The following SPTAN1 variants were observed in gnomAD, a reference collection of about 807,000 sequenced individuals.
SPTAN1 encodes spectrin alpha, non-erythrocytic 1.
SPTAN1 carries 61 observed loss-of-function variants against 331.3 expected under a neutral mutation model. The observed-to-expected ratio is 0.18, with a 90% confidence interval of 0.15 to 0.23. SPTAN1 has a LOEUF of 0.23. Ranked by LOEUF, SPTAN1 falls within the 10% of genes least tolerant of loss-of-function variation. The pLI is 1.00. For synonymous variants in SPTAN1, 1,153 were observed against 1,173.9 expected (o/e 0.98, Z 0.36); for missense variants, 2,043 against 3,147.9 (o/e 0.65, Z 8.40).
chr9:128,625,763 G>A lies in SPTAN1; in HGVS notation c.6070-6G>A, dbSNP rs1858640761. On this transcript the variant is annotated splice_polypyrimidine_tract_variant and splice_region_variant and intron_variant, in intron 47 of 56. Coordinates refer to ENST00000372739, the MANE Select transcript of SPTAN1 (RefSeq NM_001130438.3). The surrounding 1 kb of genome is among the most constrained non-coding windows in gnomAD (Gnocchi z 4.1). ...ACCACAAATTGGCTTGTCACTCCTT[G>A]TTCAGGAAACTTTTGACGCTGGGCT... 1 of 1,613,776 alleles carries A rather than the reference G, an allele frequency of 6.2e-7. No homozygotes were observed. The highest frequency in any genetic ancestry group is 1.3e-5 in the African/African-American group (1 of 75,054).
chr9:128,592,054 C>T (rs1485376854), intron 22 of SPTAN1, among the ~76,000 whole-genome samples: 2 of 152,108 alleles, frequency 1.3e-5, no homozygotes, highest in South Asian at 2.1e-4. Flanking sequence ...TAGCTGAGCC[C>T]CCATATTGCC....
At chr9:128,554,539 G>A (rs1848442708) in intron 1 of SPTAN1, among the ~76,000 whole-genome samples, 1 of 152,176 alleles carries the variant, frequency 6.6e-6, no homozygotes, top group Non-Finnish European at 1.5e-5. Flanking sequence ...TGGATCTCAG[G>A]AATAGTCCCC....
chr9:128,554,768 C>T (rs567066075), intron 1 of SPTAN1, among the ~76,000 whole-genome samples: 94 of 152,372 alleles, frequency 6.2e-4, no homozygotes, highest in African/African-American at 2.2e-3. Flanking sequence ...CTGCATAGCT[C>T]ATCACTGGGG....
intron 38 of SPTAN1, 28 bp from the exon 39 acceptor site, chr9:128,612,081 C>T: frequency 6.2e-7 from 1 of 1,614,094 alleles, no homozygotes; most frequent in Non-Finnish European, 8.5e-7. Context: ...TAGATTTCAT[C>T]TCTTTTTGGC....
At chr9:128,619,284 G>C (rs1589360601) in intron 44 of SPTAN1, among the ~76,000 whole-genome samples, 1 of 152,174 alleles carries the variant, frequency 6.6e-6, no homozygotes, top group East Asian at 1.9e-4. Context: ...GTTTCCTGGG[G>C]CTGCCATAAA....
At chr9:128,584,027 G>A in intron 16 of SPTAN1, 58 bp downstream of exon 16, 1 of 1,600,162 alleles carries the variant, frequency 6.2e-7, no homozygotes, top group Non-Finnish European at 8.6e-7. Flanking sequence ...TAGGAGGGAG[G>A]AAAAGCCAGT....
chr9:128,584,067 A>G (rs1564227207), intron 16 of SPTAN1, 98 bp downstream of exon 16: 2 of 1,526,826 alleles, frequency 1.3e-6, no homozygotes, highest in Admixed American at 3.5e-5. Flanking sequence ...TTTGGGAGGG[A>G]TGAAATGTGT....
chr9:128,577,754 G>A lies in SPTAN1; in HGVS notation c.1085+248G>A, dbSNP rs1168547754. Among the ~76,000 whole-genome samples the A allele has an allele frequency of 6.6e-6, 1 of 152,192 alleles. No homozygotes were observed. The highest frequency in any genetic ancestry group is 1.5e-5 in the Non-Finnish European group (1 of 68,034). ...TCACTGCATTATGATTGATAGAATG[G>A]GAATGTCCCTTTAAGTATCTGAGTA... is the stretch of plus-strand genomic sequence containing the variant. On this transcript the variant is annotated intron_variant, in intron 8 of 56. Transcript: ENST00000372739. The surrounding 1 kb of genome is among the most constrained non-coding windows in gnomAD (Gnocchi z 4.2).
At chr9:128,620,593 C>T (rs894966986) in intron 44 of SPTAN1, among the ~76,000 whole-genome samples, 6 of 152,070 alleles carry the variant, frequency 3.9e-5, no homozygotes, top group African/African-American at 1.4e-4. Flanking sequence ...TGGTGCACAC[C>T]TGTAATCCCA....
At position 128,627,528 on chromosome 9, in the gene SPTAN1, A is replaced by G. The variant is rs1170593257; in HGVS notation, c.6689+30A>G. 8 of 1,531,558 alleles carry G rather than the reference A, an allele frequency of 5.2e-6. No homozygotes were observed. In the Admixed American group the frequency reaches 1.6e-4, roughly 30 times the overall value. 94.9% of individuals were successfully genotyped at this position (1,531,558 alleles called of 1,614,324 possible). On this transcript the variant is annotated intron_variant, in intron 50 of 56. Transcript: ENST00000372739. The surrounding 1 kb of genome is among the most constrained non-coding windows in gnomAD (Gnocchi z 4.9). The stretch of plus-strand genomic sequence containing the variant: ...CAGCCCGCTGGGGCCGGGGAGCAGC[A>G]GCATGTCCCTGCTGTACTTAAGCCC...
rs1213615452 is a variant in SPTAN1 at position 128,594,188 on chromosome 9, C to T, written c.3229C>T (p.Leu1077=). ...GAATTCCATCAGATATCATTCTCTG[C>T]TGGAACTGGGTGAGAAGCGTAAAGG... ...KQVEELYHSL[L]ELGEKRKGML... The change falls in exon 24 of 57, where the codon CTG becomes TTG. Residue 1077 remains leucine (L), a synonymous_variant. Transcript: ENST00000372739. The T allele has an allele frequency of 6.2e-7, 1 of 1,614,090 alleles. No homozygotes were observed.
Position 128,608,900 on chromosome 9 carries a change from C to G in SPTAN1, c.4518C>G (p.Ala1506=), listed in dbSNP as rs777801455. The change falls in exon 35 of 57, where the codon GCC becomes GCG. Residue 1506 remains alanine, a synonymous_variant. Coordinates refer to ENST00000372739, the MANE Select transcript of SPTAN1 (RefSeq NM_001130438.3). ...AAGAGAAGATTGCTGCTCTGCAGGC[C>G]TTTGCCGACCAGCTCATCGCTGCCG... is the stretch of plus-strand genomic sequence containing the variant. The part of the protein sequence containing the change: ...VQEEKIAALQ[A]FADQLIAAGH... The G allele has an allele frequency of 1.2e-6, 2 of 1,614,078 alleles. No individual in the cohort carries two copies. Among genetic ancestry groups the G allele is most frequent in the African/African-American group, 2.7e-5 (2 of 74,938 alleles).
At position 128,622,959 on chromosome 9, in the gene SPTAN1, G is replaced by A. The variant is rs1385817612; in HGVS notation, c.5833-1369G>A. Among the ~76,000 whole-genome samples, 7 of 151,798 alleles carry A rather than the reference G, an allele frequency of 4.6e-5. No individual in the cohort carries two copies. The East Asian group carries it at 1.4e-3, about 30-fold the overall frequency. ...TTAGAGATGGGGTTTCACCATGTTG[G>A]TTAGGCTGGTCTCAAACTCCTGACC... On this transcript the variant is annotated intron_variant, in intron 45 of 56. Transcript: ENST00000372739.
intron 39 of SPTAN1, 82 bp downstream of exon 39, chr9:128,612,328 C>T (rs1382546006): frequency 6.3e-6 from 10 of 1,579,848 alleles, no homozygotes; most frequent in African/African-American, 1.3e-5. Context: ...CCCAAAACCA[C>T]GAAAAGGCAG....
chr9:128,609,577 G>A, intron 36 of SPTAN1, 74 bp from the exon 37 acceptor site: 1 of 1,277,926 alleles, frequency 7.8e-7, no homozygotes, highest in African/African-American at 1.5e-5. Context: ...GACAAAATGA[G>A]TTTCTATTTA....
Position 128,566,804 on chromosome 9 carries a change from G to A in SPTAN1, c.64G>A (p.Val22Ile). The change falls in exon 2 of 57, where the codon GTC (valine) becomes ATC (isoleucine). Residue 22 changes from valine to isoleucine, a missense_variant. Around this residue, in one of 12 missense-constraint regions of SPTAN1, gnomAD observed 1,038 missense variants for 1,531.5 expected, o/e 0.68. Transcript: ENST00000372739. The part of the protein sequence containing the change: ...AEDIQERRQQ[V>I]LDRYHRFKEL... ...GGACATCCAGGAGAGGCGGCAGCAG[G>A]TCCTAGACCGATACCACCGCTTCAA... 3 of 1,614,208 alleles carry A rather than the reference G, an allele frequency of 1.9e-6. No individual in the cohort carries two copies. The highest frequency in any genetic ancestry group is 2.5e-6 in the Non-Finnish European group (3 of 1,180,044).
intron 31 of SPTAN1, among the ~76,000 whole-genome samples, chr9:128,605,866 T>C (rs1034109667): frequency 3.3e-5 from 5 of 151,598 alleles, no homozygotes; most frequent in Non-Finnish European, 7.4e-5. Flanking sequence ...GTGGCAGGCA[T>C]CTGTAATCCC....
chr9:128,619,038 C>G, intron 44 of SPTAN1, 35 bp downstream of exon 44: 4 of 1,612,496 alleles, frequency 2.5e-6, no homozygotes, highest in Non-Finnish European at 3.4e-6. Context: ...CCTGCTTTCT[C>G]TCTTGGCAAC....
At chr9:128,611,606 C>T (rs1222053610) in intron 37 of SPTAN1, 108 bp from the exon 38 acceptor site, 1 of 1,321,368 alleles carries the variant, frequency 7.6e-7, no homozygotes, top group African/African-American at 1.5e-5. Flanking sequence ...GGCATTTACC[C>T]CAGTTCTTTA....
Sources: gnomAD v4.1 joint callset for allele counts (sites outside exome capture counted in the v4.1 genomes callset) on GRCh38, gnomAD v4.1.1 for gene constraint, gnomAD v4.1.1 regional missense constraint, Gnocchi (gnomAD v3.1) non-coding constraint, MANE v1.5 for transcripts, NCBI Gene and HGNC (gene_info 2026-07-23, HGNC 2026-07-21) for gene names.